Variants in BTBD7 observed in about 807,000 individuals in gnomAD.
The protein encoded by BTBD7 is BTB/POZ domain-containing protein 7.
A neutral mutation model predicts 99.9 loss-of-function variants in BTBD7; 38 were observed. The ratio of observed to expected loss-of-function variants is 0.38; its 90% CI spans 0.29 to 0.50. The LOEUF is 0.50. Among genes scored for constraint, BTBD7 ranks in the 20% least tolerant of loss-of-function variants. BTBD7 has a pLI of 0.93. For missense variants in BTBD7, 1,170 were observed against 1,394.6 expected (o/e 0.84, Z 2.57); for synonymous variants, 520 against 511.4 (o/e 1.02, Z -0.23).
intron 3 of BTBD7, among the ~76,000 whole-genome samples, chr14:93,266,058 G>A (rs953356079): frequency 8.5e-5 from 13 of 152,106 alleles, no homozygotes; most frequent in Non-Finnish European, 4.4e-5. Flanking sequence ...TAAAAAGACT[G>A]ATCAAAATGA....
intron 3 of BTBD7, among the ~76,000 whole-genome samples, chr14:93,281,944 T>G (rs2052725517): frequency 6.6e-6 from 1 of 152,242 alleles, no homozygotes; most frequent in Non-Finnish European, 1.5e-5. Flanking sequence ...ATCAATCGTA[T>G]TATCTAAAGT....
At chr14:93,272,876 G>A (rs2052615039) in intron 3 of BTBD7, among the ~76,000 whole-genome samples, 1 of 152,142 alleles carries the variant, frequency 6.6e-6, no homozygotes, top group South Asian at 2.1e-4. Flanking sequence ...CCTAAGCCCA[G>A]GTGTCTGCAG....
In BTBD7 at chr14:93,257,056, C is replaced by G. The variant is rs902382611; in HGVS notation, c.1608+139G>C. ...GACACAGGAGATACAACATCGTACACAATAGACATCTGTCTCTGTCCTCAC... is the reference window on the plus strand; with the variant it reads ...GACACAGGAGATACAACATCGTACAGAATAGACATCTGTCTCTGTCCTCAC... On this transcript the variant is annotated intron_variant, in intron 6 of 10. Transcript: ENST00000334746. 23 of 820,636 alleles carry G rather than the reference C, an allele frequency of 2.8e-5. No homozygotes were observed. The African/African-American group carries it at 3.8e-4, about 14-fold the overall frequency. 50.8% of individuals were successfully genotyped at this position (820,636 alleles called of 1,614,324 possible). A position where few individuals can be genotyped will look rare whatever the true frequency, so the allele number is the denominator to read the frequency against.
intron 3 of BTBD7, among the ~76,000 whole-genome samples, chr14:93,271,904 G>A (rs2052605142): frequency 6.6e-6 from 1 of 152,206 alleles, no homozygotes; most frequent in Non-Finnish European, 1.5e-5. Context: ...CACTCAGGAG[G>A]CTGACGTGGG....
chr14:93,269,926 A>G lies in BTBD7; in HGVS notation c.1163-5933T>C, dbSNP rs184136956. ...GCCACCCCTGCTGATCCACAGTGGC[A>G]ATGAGAGAGGCCCCAGCTGCTGCAA... On this transcript the variant is annotated intron_variant, in intron 3 of 10. Transcript: ENST00000334746. 1.8e-3 allele frequency among the ~76,000 whole-genome samples: 269 copies of G among 152,244 alleles called. 1 individual carries two copies. The Middle Eastern group carries it at 0.031, about 17-fold the overall frequency.
At chr14:93,279,407 T>G (rs1379135478) in intron 3 of BTBD7, among the ~76,000 whole-genome samples, 2 of 152,156 alleles carry the variant, frequency 1.3e-5, no homozygotes, top group Non-Finnish European at 2.9e-5. Flanking sequence ...GTCTGGGAAG[T>G]TTCTGATATG....
intron 3 of BTBD7, among the ~76,000 whole-genome samples, chr14:93,293,171 T>G (rs1015614116): frequency 3.9e-5 from 6 of 152,224 alleles, no homozygotes; most frequent in Non-Finnish European, 8.8e-5. Context: ...TTCTAACATT[T>G]ACCAACAGAT....
chr14:93,277,217 T>G (rs901707743), intron 3 of BTBD7, among the ~76,000 whole-genome samples: 3 of 152,202 alleles, frequency 2.0e-5, no homozygotes, highest in African/African-American at 7.2e-5. Flanking sequence ...TAATAATTCT[T>G]AAGGTACTCA....
intron 9 of BTBD7, 65 bp from the exon 10 acceptor site, chr14:93,246,351 A>T: frequency 7.0e-7 from 1 of 1,436,434 alleles, no homozygotes; most frequent in Non-Finnish European, 9.2e-7. Context: ...GGAAATTTAT[A>T]GGCTGAGAGA....
At position 93,239,082 on chromosome 14, in the gene BTBD7, C is replaced by T. The variant is rs575714387; in HGVS notation, c.*3191G>A. On this transcript the variant is annotated 3_prime_UTR_variant, in exon 11 of 11. Coordinates refer to ENST00000334746, the MANE Select transcript of BTBD7 (RefSeq NM_001002860.4). Reference sequence around the variant, plus strand: ...GCTAAAGGGGGCATGTGAGAACGGGCGTGGAAAATTGAAACAATTACGTTT... The same window carrying T: ...GCTAAAGGGGGCATGTGAGAACGGGTGTGGAAAATTGAAACAATTACGTTT... The T allele has an allele frequency of 3.9e-5, 6 of 152,230 alleles. No homozygotes were observed. The highest frequency in any genetic ancestry group is 1.9e-4 in the East Asian group (1 of 5,188). 9.4% of individuals were successfully genotyped at this position (152,230 alleles called of 1,614,324 possible).
At position 93,242,198 on chromosome 14, in the gene BTBD7, G is replaced by T; in HGVS notation, c.*75C>A. ...AGTTATCAGCTGGCATTGATGAACT[G>T]GTCTGTAAGTTGTTGGGTTACATCA... On this transcript the variant is annotated 3_prime_UTR_variant, in exon 11 of 11. Coordinates refer to ENST00000334746, the MANE Select transcript of BTBD7 (RefSeq NM_001002860.4). 1 of 1,357,646 alleles carries T rather than the reference G, an allele frequency of 7.4e-7. No homozygotes were observed. Among genetic ancestry groups the T allele is most frequent in the Non-Finnish European group, 1.0e-6 (1 of 974,030 alleles). The allele number at this position is 1,357,646 out of a possible 1,614,324, so 84.1% of individuals were successfully genotyped here.
chr14:93,257,752 T>C (rs1177557863), intron 5 of BTBD7, among the ~76,000 whole-genome samples: 1 of 152,224 alleles, frequency 6.6e-6, no homozygotes, highest in Admixed American at 6.5e-5. Context: ...TTCTGGTCAC[T>C]GTAAGTTATC....
intron 1 of BTBD7, among the ~76,000 whole-genome samples, chr14:93,324,228 C>T (rs1202662101): frequency 6.6e-6 from 1 of 152,010 alleles, no homozygotes; most frequent in Non-Finnish European, 1.5e-5. Flanking sequence ...CACTTGAGAC[C>T]AGGAGTTCAA....
chr14:93,238,222 T>C lies in BTBD7; in HGVS notation c.*4051A>G, dbSNP rs1245888562. 1 of 152,192 alleles carries C rather than the reference T, an allele frequency of 6.6e-6. No individual in the cohort carries two copies. The highest frequency in any genetic ancestry group is 1.5e-5 in the Non-Finnish European group (1 of 67,988). 9.4% of individuals were successfully genotyped at this position (152,192 alleles called of 1,614,324 possible). On this transcript the variant is annotated 3_prime_UTR_variant, in exon 11 of 11. Transcript: ENST00000334746. ...GGCCACAGCATTATAATATTCAAAA[T>C]ATGGAAGATTGACAGTCTGAGGATT... is the stretch of plus-strand genomic sequence containing the variant.
In BTBD7 at chr14:93,279,451, G is replaced by C. The variant is rs1040407578; in HGVS notation, c.1162+14407C>G. 5.3e-5 allele frequency among the ~76,000 whole-genome samples: 8 copies of C among 152,164 alleles called. No individual in the cohort carries two copies. In the East Asian group the frequency reaches 1.5e-3, roughly 29 times the overall value. ...CCCTCCCCTTCCATATTGGGGTCTGGGGCTTCTCGTCCTCCTAGGTACTCC... is the reference window on the plus strand; with the variant it reads ...CCCTCCCCTTCCATATTGGGGTCTGCGGCTTCTCGTCCTCCTAGGTACTCC... On this transcript the variant is annotated intron_variant, in intron 3 of 10. Transcript: ENST00000334746.
intron 8 of BTBD7, among the ~76,000 whole-genome samples, chr14:93,249,118 A>G (rs1427705691): frequency 6.6e-6 from 1 of 152,128 alleles, no homozygotes; most frequent in Non-Finnish European, 1.5e-5. Context: ...AAACAAATAC[A>G]ATATAGGGTC....
Position 93,296,170 on chromosome 14 carries a change from T to C in BTBD7, c.-106-13A>G, listed in dbSNP as rs1481329504. 23 of 1,296,568 alleles carry C rather than the reference T, an allele frequency of 1.8e-5. No individual in the cohort carries two copies. In the East Asian group the frequency reaches 6.8e-4, roughly 38 times the overall value. 80.3% of individuals were successfully genotyped at this position (1,296,568 alleles called of 1,614,324 possible). A position where few individuals can be genotyped will look rare whatever the true frequency, so the allele number is the denominator to read the frequency against. ...TTTTCATCCATTTCTTGATATGAAA[T>C]AAAAATAATTTAATTCATTTTTTCA... is the stretch of plus-strand genomic sequence containing the variant. On this transcript the variant is annotated splice_polypyrimidine_tract_variant and intron_variant, in intron 1 of 10. Transcript: ENST00000334746.
chr14:93,332,663 C>G (rs1443957952), intron 1 of BTBD7, among the ~76,000 whole-genome samples, 157 bp downstream of exon 1: 1 of 151,028 alleles, frequency 6.6e-6, no homozygotes, highest in Non-Finnish European at 1.5e-5. Context: ...GGACGACTGG[C>G]CCCTCCCCGC....
At chr14:93,258,634 G>C (rs1162972061) in intron 5 of BTBD7, among the ~76,000 whole-genome samples, 1 of 152,056 alleles carries the variant, frequency 6.6e-6, no homozygotes, top group African/African-American at 2.4e-5. Flanking sequence ...GCCCAGGCTA[G>C]AGTGCAGTGG....
Sources: gnomAD v4.1 joint callset for allele counts (sites outside exome capture counted in the v4.1 genomes callset) on GRCh38, gnomAD v4.1.1 for gene constraint, MANE v1.5 for transcripts, NCBI Gene and HGNC (gene_info 2026-07-23, HGNC 2026-07-21) for gene names.